The following ASPM variants were observed in gnomAD, a reference collection of about 807,000 sequenced individuals.
The protein encoded by ASPM is abnormal spindle-like microcephaly-associated protein.
ASPM carries 256 observed loss-of-function variants against 366.4 expected under a neutral mutation model. The observed-to-expected ratio is 0.70, with a 90% CI of 0.63 to 0.77. ASPM has a LOEUF of 0.77. Ranked by LOEUF, ASPM falls within the 30% of genes least tolerant of loss-of-function variation. The probability of loss-of-function intolerance (pLI) is 0.00; values close to 1 mark genes in which losing one functional copy is unlikely to be tolerated. For missense variants in ASPM, 4,146 were observed against 4,090.4 expected (o/e 1.01, Z -0.37); for synonymous variants, 1,414 against 1,342.9 (o/e 1.05, Z -1.16).
chr1:197,136,357 A>G (rs1260422770), intron 4 of ASPM, among the ~76,000 whole-genome samples: 1 of 152,192 alleles, frequency 6.6e-6, no homozygotes. Context: ...AAGCATAAAA[A>G]CAGTATTATT....
chr1:197,109,097 C>T (rs1460571111), intron 17 of ASPM, among the ~76,000 whole-genome samples: 1 of 149,686 alleles, frequency 6.7e-6, no homozygotes, highest in Non-Finnish European at 1.5e-5. Flanking sequence ...TGAATATGCA[C>T]AATTATGTCA....
chr1:197,100,837 CA>C lies in ASPM; in HGVS notation c.8413del (p.Cys2805ValfsTer15), dbSNP rs768892678. On this transcript the variant is annotated frameshift_variant, in exon 18 of 28. Coordinates refer to ENST00000367409, the MANE Select transcript of ASPM (RefSeq NM_018136.5). LOFTEE classifies it high-confidence loss of function. ...AGAATGATACTCTGCTTCCTGTGAA[CA>C]AGCAAGGCCAGAAGCTTTATACCAC... is the stretch of plus-strand genomic sequence containing the variant. ...QEWYKASGLA[C>X]SQEAEYHSQS... 6.2e-7 allele frequency: 1 copy of C among 1,612,596 alleles called. No individual in the cohort carries two copies. The highest frequency in any genetic ancestry group is 2.2e-5 in the East Asian group (1 of 44,812).
In ASPM at chr1:197,084,216, C is replaced by T. The variant is rs1053833481; in HGVS notation, c.*108G>A. The T allele has an allele frequency of 7.7e-6, 6 of 784,060 alleles. No individual in the cohort carries two copies. In the African/African-American group the frequency reaches 8.7e-5, roughly 11 times the overall value. 48.6% of individuals were successfully genotyped at this position (784,060 alleles called of 1,614,324 possible). The stretch of plus-strand genomic sequence containing the variant: ...ATGAACAGTTTATGTTTTTTTAAAA[C>T]AAAGTCAGATTTTAAAAGTTGTACA... On this transcript the variant is annotated 3_prime_UTR_variant, in exon 28 of 28. Transcript: ENST00000367409.
chr1:197,090,081 A>G lies in ASPM; in HGVS notation c.9833T>C (p.Val3278Ala), dbSNP rs141348662. Reference protein sequence around the residue: ...AILEALKHLEVVTRLSPLCCE... With the variant: ...AILEALKHLEAVTRLSPLCCE... ...ACAAAGTGGAGACAATCTAGTAACT[A>G]CCTCTGAAAGAAAAAAAAAACACAC... The change falls in exon 25 of 28, where the codon GTA becomes GCA. Residue 3278 changes from valine to alanine, a missense_variant. Around this residue, in one of 3 missense-constraint regions of ASPM, gnomAD observed 3,624 missense variants for 3,591.7 expected, o/e 1.01. Coordinates refer to ENST00000367409, the MANE Select transcript of ASPM (RefSeq NM_018136.5). The G allele has an allele frequency of 2.4e-4, 383 of 1,613,162 alleles. 5 individuals carry two copies. In the East Asian group the frequency reaches 6.9e-3, roughly 29 times the overall value.
chr1:197,145,209 T>C (rs144498593), intron 1 of ASPM, among the ~76,000 whole-genome samples: 54 of 152,312 alleles, frequency 3.5e-4, no homozygotes, highest in African/African-American at 1.1e-3. Flanking sequence ...ACGGTTTTCA[T>C]ACTTTTGGTG....
chr1:197,102,845 A>G lies in ASPM; in HGVS notation c.6406T>C (p.Tyr2136His). ...ATAGCTGCTTTTCTCATTGTATGGT[A>G]ACTTATTCTTGACTGATGCATTTTA... Reference protein sequence around the residue: ...MFKMHQSRISYHTMRKAAIVI... With the variant: ...MFKMHQSRISHHTMRKAAIVI... The change falls in exon 18 of 28, where the codon TAC becomes CAC. Residue 2136 changes from tyrosine (Y) to histidine (H), a missense_variant. By Grantham distance (83) the Tyr-to-His change is moderately conservative (BLOSUM62 2). This residue lies in a region of ASPM where 3,624 missense variants were observed against 3,591.7 expected (regional missense o/e 1.01). Coordinates refer to ENST00000367409, the MANE Select transcript of ASPM (RefSeq NM_018136.5). The G allele has an allele frequency of 6.2e-7, 1 of 1,612,536 alleles. No individual in the cohort carries two copies. Among genetic ancestry groups the G allele is most frequent in the Non-Finnish European group, 8.5e-7 (1 of 1,179,248 alleles).
At chr1:197,141,585 C>T (rs1658579327) in intron 3 of ASPM, among the ~76,000 whole-genome samples, 1 of 152,066 alleles carries the variant, frequency 6.6e-6, no homozygotes, top group South Asian at 2.1e-4. Flanking sequence ...AAATTAGTCC[C>T]TCTCCCTGCA....
intron 17 of ASPM, among the ~76,000 whole-genome samples, chr1:197,106,407 T>C (rs1657410350): frequency 1.3e-5 from 2 of 152,064 alleles, no homozygotes; most frequent in Admixed American, 1.3e-4. Flanking sequence ...TGCTTTAAAT[T>C]AGGGCAAAGT....
intron 3 of ASPM, 77 bp from the exon 4 acceptor site, chr1:197,139,948 A>G (rs1189333129): frequency 5.9e-6 from 6 of 1,018,926 alleles, no homozygotes; most frequent in Non-Finnish European, 7.6e-6. Context: ...TGAAAGTTAA[A>G]GTTTGGGTTC....
rs1410576552 is a variant in ASPM, at chr1:197,084,152, A to G, written c.*172T>C. ...TCATCTTATGACATATTAGTTTATT[A>G]CATGCATAAAACTATAAATGATAAA... On this transcript the variant is annotated 3_prime_UTR_variant, in exon 28 of 28. Transcript: ENST00000367409. 1.7e-6 allele frequency: 1 copy of G among 604,678 alleles called. No individual in the cohort carries two copies. Among genetic ancestry groups the G allele is most frequent in the Non-Finnish European group, 2.9e-6 (1 of 342,732 alleles). 37.5% of individuals were successfully genotyped at this position (604,678 alleles called of 1,614,324 possible).
At chr1:197,137,334 G>A (rs1658450150) in intron 4 of ASPM, among the ~76,000 whole-genome samples, 1 of 152,192 alleles carries the variant, frequency 6.6e-6, no homozygotes, top group African/African-American at 2.4e-5. Context: ...TCTAGGCCTA[G>A]GAATGGACAC....
At position 197,143,925 on chromosome 1, in the gene ASPM, T is replaced by TA. The variant is rs1658685286; in HGVS notation, c.441+31dup. The TA allele has an allele frequency of 1.9e-6, 3 of 1,576,832 alleles. No individual in the cohort carries two copies. The African/African-American group carries it at 4.0e-5, about 21-fold the overall frequency. On this transcript the variant is annotated intron_variant, in intron 2 of 27. Transcript: ENST00000367409. The stretch of plus-strand genomic sequence containing the variant: ...TTTTATTTATTATTAAACAATTTCT[T>TA]AGAGTAAATCACAGAATGGTTAAAA...
chr1:197,095,715 C>G (rs1656948255), intron 19 of ASPM, among the ~76,000 whole-genome samples: 1 of 151,480 alleles, frequency 6.6e-6, no homozygotes, highest in Non-Finnish European at 1.5e-5. Context: ...TATTCACTTC[C>G]TACGTCTCTG....
At chr1:197,095,771 AT>A (rs1165152691) in intron 19 of ASPM, among the ~76,000 whole-genome samples, 2 of 151,734 alleles carry the variant, frequency 1.3e-5, no homozygotes, top group African/African-American at 2.4e-5. Flanking sequence ...AGTATATAAT[AT>A]TTTTAGATTA....
At chr1:197,085,288 C>A (rs1309984679) in intron 27 of ASPM, among the ~76,000 whole-genome samples, 2 of 152,026 alleles carry the variant, frequency 1.3e-5, no homozygotes, top group Non-Finnish European at 2.9e-5. Context: ...TTTGAAATTG[C>A]CAGCATGCTC....
chr1:197,139,097 G>A, intron 4 of ASPM: 2 of 759,116 alleles, frequency 2.6e-6, no homozygotes, highest in Non-Finnish European at 4.8e-6. Context: ...TGCAGTTTTT[G>A]GTACCTACAG....
chr1:197,128,749 A>G, intron 9 of ASPM, 84 bp from the exon 10 acceptor site: 1 of 1,055,056 alleles, frequency 9.5e-7, no homozygotes, highest in Non-Finnish European at 1.4e-6. Context: ...ATCATTCTGT[A>G]CATATAAAAA....
chr1:197,143,139 G>C lies in ASPM; in HGVS notation c.1113C>G (p.Phe371Leu). Residue 371 changes from phenylalanine (F) to leucine (L), a missense_variant, in exon 3 of 28, where the codon TTC becomes TTG. Physicochemically the swap from Phe to Leu is conservative, Grantham distance 22. Transcript: ENST00000367409. ...GATTTAGTCCATAATTATCTTTTAT[G>C]AAAGAATCTGGACTTAAAATTTTCT... Reference protein sequence around the residue: ...IYQKILSPDSFIKDNYGLNQD... With the variant: ...IYQKILSPDSLIKDNYGLNQD... 6.2e-7 allele frequency: 1 copy of C among 1,612,838 alleles called. No individual in the cohort carries two copies.
In ASPM at chr1:197,145,871, A is replaced by ATATATATATATATATATATATAT. The variant is rs1557967356; in HGVS notation, c.297+269_297+270insATATATATATATATATATATATA. Among the ~76,000 whole-genome samples, 8 of 148,442 alleles carry ATATATATATATATATATATATAT rather than the reference A, an allele frequency of 5.4e-5. No individual in the cohort carries two copies. The East Asian group carries it at 1.6e-3, about 29-fold the overall frequency. Reference sequence around the variant, plus strand: ...ATATATATATATATATATATATAATATTGACACATATATATATACTCACAC... The same window carrying ATATATATATATATATATATATAT: ...ATATATATATATATATATATATAATATATATATATATATATATATATATTTGACACATATATATATACTCACAC... On this transcript the variant is annotated intron_variant, in intron 1 of 27. Coordinates refer to ENST00000367409, the MANE Select transcript of ASPM (RefSeq NM_018136.5).
Sources: allele counts gnomAD v4.1 joint callset (sites outside exome capture counted in the v4.1 genomes callset), GRCh38; gene constraint gnomAD v4.1.1; regional missense constraint gnomAD v4.1.1; transcripts MANE v1.5; gene names NCBI Gene and HGNC (gene_info 2026-07-23, HGNC 2026-07-21).